The following NME7 variants were observed in gnomAD, a reference collection of about 807,000 sequenced individuals.
The protein encoded by NME7 is NME/NM23 family member 7, also known as nucleoside diphosphate kinase 7.
In NME7, 41 loss-of-function variants were observed where a neutral mutation model predicts 49.1. The observed-to-expected ratio is 0.83, with a 90% CI of 0.65 to 1.08. The LOEUF (loss-of-function observed/expected upper bound fraction) is 1.08. NME7 is among the 50% of genes least tolerant of loss of function. The pLI, the probability that NME7 is intolerant of heterozygous loss-of-function variation, is 0.00. For missense variants in NME7, 423 were observed against 463.4 expected, an observed-to-expected ratio of 0.91 and a Z score of 0.80; for synonymous variants, 139 against 150.6, an observed-to-expected ratio of 0.92 and a Z score of 0.56.
intron 10 of NME7, among the ~76,000 whole-genome samples, chr1:169,223,703 TG>T (rs1445866258): frequency 6.6e-6 from 1 of 152,114 alleles, no homozygotes; most frequent in Non-Finnish European, 1.5e-5. Flanking sequence ...GAGTGAAGAA[TG>T]GTATTTAGAA....
At chr1:169,141,154 A>G (rs1303676825) in intron 11 of NME7, among the ~76,000 whole-genome samples, 2 of 152,210 alleles carry the variant, frequency 1.3e-5, no homozygotes, top group African/African-American at 4.8e-5. Context: ...AAAAAAAAGA[A>G]AACTACTGTC....
chr1:169,177,537 A>G (rs556452483), intron 10 of NME7, among the ~76,000 whole-genome samples: 1 of 152,252 alleles, frequency 6.6e-6, no homozygotes, highest in Admixed American at 6.5e-5. Flanking sequence ...CTATAACCCC[A>G]GCACTTTGGG....
chr1:169,240,175 T>C (rs982562661), intron 7 of NME7, among the ~76,000 whole-genome samples: 1 of 151,906 alleles, frequency 6.6e-6, no homozygotes, highest in Non-Finnish European at 1.5e-5. Context: ...TTAAAATATT[T>C]AAATATAACA....
Position 169,260,704 on chromosome 1 carries a change from T to C in NME7, c.755-23017A>G, listed in dbSNP as rs557436540. The stretch of plus-strand genomic sequence containing the variant: ...CAGAGGAAAGGGTTAGGAGGATACA[T>C]AGAAAACCAGTACTAGAGGATCCTC... On this transcript the variant is annotated intron_variant, in intron 7 of 11. Coordinates refer to ENST00000367811, the MANE Select transcript of NME7 (RefSeq NM_013330.5). 5.9e-4 allele frequency among the ~76,000 whole-genome samples: 79 copies of C among 133,682 alleles called. 6 individuals are homozygous for C. The highest frequency in any genetic ancestry group is 2.0e-3 in the African/African-American group (78 of 39,672). 87.7% of individuals were successfully genotyped at this position (133,682 alleles called of 152,430 possible).
intron 7 of NME7, among the ~76,000 whole-genome samples, chr1:169,249,936 T>C (rs901610215): frequency 1.3e-5 from 2 of 152,032 alleles, no homozygotes; most frequent in African/African-American, 2.4e-5. Flanking sequence ...TGTAGTTTTC[T>C]TTTTTTCTTA....
chr1:169,341,343 A>T (rs1027168256), intron 1 of NME7, among the ~76,000 whole-genome samples: 41 of 152,232 alleles, frequency 2.7e-4, no homozygotes, highest in African/African-American at 9.4e-4. Context: ...GCAGAAGACA[A>T]GAGCTGAGCT....
intron 1 of NME7, among the ~76,000 whole-genome samples, chr1:169,337,029 C>CG (rs1302450988): frequency 1.3e-5 from 2 of 152,226 alleles, no homozygotes; most frequent in East Asian, 3.8e-4. Context: ...GATCCCGCAC[C>CG]GGGGCTGCAG....
At chr1:169,236,453 AT>A (rs1416850374) in intron 8 of NME7, among the ~76,000 whole-genome samples, 1 of 152,092 alleles carries the variant, frequency 6.6e-6, no homozygotes, top group Non-Finnish European at 1.5e-5. Flanking sequence ...TTTTAAAATT[AT>A]TTTTTTCATT....
chr1:169,338,205 G>C, intron 1 of NME7, among the ~76,000 whole-genome samples: 1 of 152,250 alleles, frequency 6.6e-6, no homozygotes, highest in Non-Finnish European at 1.5e-5. Context: ...AAAAATTACA[G>C]TTTAAAATTT....
rs1341169493 is a variant in NME7, at chr1:169,230,736, A to G, written c.972T>C (p.Phe324=). The change falls in exon 10 of 12, where the codon TTT becomes TTC. Residue 324 remains phenylalanine (F), a synonymous_variant. Transcript: ENST00000367811. Reference sequence around the variant, plus strand: ...AACTTACAGGATCAGCAGGTCCACAAAATTCTCGAAATGTCTTTGTAGCAT... The same window carrying G: ...AACTTACAGGATCAGCAGGTCCACAGAATTCTCGAAATGTCTTTGTAGCAT... The part of the protein sequence containing the change: ...QNNATKTFRE[F]CGPADPEIAR... The G allele has an allele frequency of 1.2e-6, 2 of 1,602,008 alleles. No homozygotes were observed. Among genetic ancestry groups the G allele is most frequent in the Non-Finnish European group, 1.7e-6 (2 of 1,174,308 alleles).
intron 7 of NME7, among the ~76,000 whole-genome samples, chr1:169,281,151 C>A (rs1649995514): frequency 1.3e-5 from 2 of 152,042 alleles, no homozygotes; most frequent in Non-Finnish European, 2.9e-5. Context: ...GTTTATAGTT[C>A]TCCCTGAAGA....
intron 7 of NME7, among the ~76,000 whole-genome samples, chr1:169,263,078 TA>T (rs1409099503): frequency 2.3e-5 from 3 of 128,530 alleles, no homozygotes; most frequent in African/African-American, 5.2e-5. Context: ...GGGCATCAAA[TA>T]AAAAAAAAGC....
intron 1 of NME7, among the ~76,000 whole-genome samples, chr1:169,344,687 T>C (rs1232051238): frequency 2.0e-5 from 3 of 152,228 alleles, no homozygotes; most frequent in African/African-American, 7.2e-5. Flanking sequence ...TTTTTGATGT[T>C]AAATCTTTTT....
At chr1:169,193,744 T>G (rs1166346622) in intron 10 of NME7, among the ~76,000 whole-genome samples, 1 of 152,142 alleles carries the variant, frequency 6.6e-6, no homozygotes, top group Non-Finnish European at 1.5e-5. Flanking sequence ...AGCCCCTCCT[T>G]CTGACTGTGA....
intron 7 of NME7, among the ~76,000 whole-genome samples, chr1:169,245,994 A>T (rs779454079): frequency 6.6e-6 from 1 of 152,162 alleles, no homozygotes; most frequent in Non-Finnish European, 1.5e-5. Flanking sequence ...TAATGGAAGC[A>T]CTCAGATTGG....
chr1:169,136,329 T>C (rs891127761), intron 11 of NME7, among the ~76,000 whole-genome samples: 1 of 152,192 alleles, frequency 6.6e-6, no homozygotes, highest in Admixed American at 6.5e-5. Context: ...TATAATAGTA[T>C]AATACAACTC....
chr1:169,145,516 C>G (rs570233040), intron 11 of NME7, among the ~76,000 whole-genome samples: 1 of 152,238 alleles, frequency 6.6e-6, no homozygotes, highest in South Asian at 2.1e-4. Context: ...GAAGCATTAT[C>G]AGAAGCTTCC....
chr1:169,234,300 C>A (rs914352040), intron 9 of NME7, among the ~76,000 whole-genome samples: 1 of 152,000 alleles, frequency 6.6e-6, no homozygotes, highest in African/African-American at 2.4e-5. Flanking sequence ...TAAATGCAGG[C>A]AGTATGTTTT....
chr1:169,242,074 C>T (rs908774793), intron 7 of NME7, among the ~76,000 whole-genome samples: 2 of 151,946 alleles, frequency 1.3e-5, no homozygotes, highest in Admixed American at 6.6e-5. Context: ...CAGGCACATA[C>T]CACTGTATCT....
Sources: allele counts gnomAD v4.1 joint callset (sites outside exome capture counted in the v4.1 genomes callset), GRCh38; gene constraint gnomAD v4.1.1; transcripts MANE v1.5; gene names NCBI Gene and HGNC (gene_info 2026-07-23, HGNC 2026-07-21).